GZMH: variants seen among roughly 807,000 people sequenced by gnomAD.
GZMH encodes granzyme H, also known as cathepsin G-like 2, protein h-CCPX.
Under a neutral mutation model 20.7 loss-of-function variants are expected in GZMH, and 24 were observed. That is an observed-to-expected ratio of 1.16 (90% CI 0.84 to 1.63). The LOEUF (loss-of-function observed/expected upper bound fraction) is 1.63. GZMH is among the 40% of genes most tolerant of loss of function. GZMH has a pLI of 0.00. For missense variants in GZMH, 344 were observed against 302.7 expected, an observed-to-expected ratio of 1.14 and a Z score of -1.01; for synonymous variants, 119 against 116.1, an observed-to-expected ratio of 1.02 and a Z score of -0.16.
chr14:24,607,166 T>C lies in GZMH; in HGVS notation c.580A>G (p.Thr194Ala), dbSNP rs748009130. Residue 194 changes from threonine to alanine, a missense_variant, in exon 4 of 5, where the codon ACA (threonine) becomes GCA (alanine). Transcript: ENST00000216338. ...TEICVGDPKK[T>A]QTGFKGDSGG... ...AACCCAACCTTGAAACCGGTCTGTGTCTTCTTTGGATCCCCCACACAAATC... is the reference window on the plus strand; with the variant it reads ...AACCCAACCTTGAAACCGGTCTGTGCCTTCTTTGGATCCCCCACACAAATC... 1 of 1,613,406 alleles carries C rather than the reference T, an allele frequency of 6.2e-7. No individual in the cohort carries two copies. The highest frequency in any genetic ancestry group is 1.1e-5 in the South Asian group (1 of 90,962).
intron 3 of GZMH, 31 bp from the exon 4 acceptor site, chr14:24,607,437 C>A: frequency 6.3e-7 from 1 of 1,577,454 alleles, no homozygotes; most frequent in South Asian, 1.2e-5. Context: ...AAGTCCAGGT[C>A]AGGCAATGGC....
At position 24,608,557 on chromosome 14, in the gene GZMH, C is replaced by A. The variant is rs187261057; in HGVS notation, c.56-145G>T. 33 of 806,184 alleles carry A rather than the reference C, an allele frequency of 4.1e-5. No homozygotes were observed. The Middle Eastern group carries it at 7.1e-4, about 17-fold the overall frequency. The allele number at this position is 806,184 out of a possible 1,614,324, so 49.9% of individuals were successfully genotyped here. On this transcript the variant is annotated intron_variant, in intron 1 of 4. Coordinates refer to ENST00000216338, the MANE Select transcript of GZMH (RefSeq NM_033423.5). ...CCTCCTGAGCTCTGCAGGCAGTACT[C>A]CTTGCAGGCAGAGCAAGCTTTTCTG...
At chr14:24,607,799 C>G in intron 2 of GZMH, 52 bp from the exon 3 acceptor site, 1 of 1,613,218 alleles carries the variant, frequency 6.2e-7, no homozygotes, top group South Asian at 1.1e-5. Flanking sequence ...GGATAGAGCC[C>G]AGGAGCAGTG....
chr14:24,608,500 G>A, intron 1 of GZMH, 88 bp from the exon 2 acceptor site: 1 of 1,454,726 alleles, frequency 6.9e-7, no homozygotes, highest in Non-Finnish European at 9.5e-7. Flanking sequence ...AGGGTGAAGT[G>A]TTTTGTGTGC....
intron 1 of GZMH, 56 bp from the exon 2 acceptor site, chr14:24,608,468 A>G (rs2066889032): frequency 3.1e-6 from 5 of 1,597,438 alleles, no homozygotes; most frequent in Non-Finnish European, 4.3e-6. Context: ...TCAGGAGAGA[A>G]GGCTTAGGAC....
intron 2 of GZMH, 136 bp from the exon 3 acceptor site, chr14:24,607,883 C>T: frequency 7.9e-7 from 1 of 1,261,194 alleles, no homozygotes. Flanking sequence ...GGCTCCAGGG[C>T]TGAGTGACTG....
At position 24,606,625 on chromosome 14, in the gene GZMH, T is replaced by C; in HGVS notation, c.719A>G (p.Lys240Arg). ...CTGTTAGAGGCGCTTCATTGTTCTC[T>C]TTATCCAGGGCAGGAAGTGTGAGAC... ...IKVSHFLPWI[K>R]RTMKRL The change falls in exon 5 of 5, where the codon AAG (lysine) becomes AGG (arginine). Residue 240 changes from lysine to arginine, a missense_variant. Physicochemically the swap from Lys to Arg is conservative, Grantham distance 26. Transcript: ENST00000216338. The C allele has an allele frequency of 6.2e-7, 1 of 1,613,890 alleles. No individual in the cohort carries two copies. The highest frequency in any genetic ancestry group is 8.5e-7 in the Non-Finnish European group (1 of 1,179,924).
chr14:24,607,002 G>A, intron 4 of GZMH, 147 bp downstream of exon 4: 1 of 849,988 alleles, frequency 1.2e-6, no homozygotes, highest in Non-Finnish European at 1.9e-6. Context: ...TCCACCCAAG[G>A]AGTGGACTAA....
Position 24,609,663 on chromosome 14 carries a change from A to T in GZMH, c.-50T>A, listed in dbSNP as rs2066898208. On this transcript the variant is annotated 5_prime_UTR_variant, in exon 1 of 5. Transcript: ENST00000216338. ...AGAGCTGTTGGTGTTGACTCCTTCC[A>T]GAAACAAATGCTGGAGGGAGATGAA... 7.3e-7 allele frequency: 1 copy of T among 1,369,028 alleles called. No individual in the cohort carries two copies. Among genetic ancestry groups the T allele is most frequent in the South Asian group, 1.2e-5 (1 of 82,610 alleles). 84.8% of individuals were successfully genotyped at this position (1,369,028 alleles called of 1,614,324 possible). A position where few individuals can be genotyped will look rare whatever the true frequency, so the allele number is the denominator to read the frequency against.
At chr14:24,607,841 C>T in intron 2 of GZMH, 94 bp from the exon 3 acceptor site, 1 of 1,583,930 alleles carries the variant, frequency 6.3e-7, no homozygotes, top group South Asian at 1.1e-5. Flanking sequence ...CAGGGTAGGG[C>T]TGCAGCTGAG....
In GZMH at chr14:24,607,729, C is replaced by G. The variant is rs768246222; in HGVS notation, c.222G>C (p.Leu74Phe). Residue 74 changes from leucine (L) to phenylalanine (F), a missense_variant, in exon 3 of 5, where the codon TTG (leucine) becomes TTC (phenylalanine). Coordinates refer to ENST00000216338, the MANE Select transcript of GZMH (RefSeq NM_033423.5). The stretch of plus-strand genomic sequence containing the variant: ...CCTGTTCCTTGATATTGTGGGCCCC[C>G]AAGGTGACATTTATGGAGCTGCACA... The part of the protein sequence containing the change: ...HCQGSSINVT[L>F]GAHNIKEQER... 6.2e-7 allele frequency: 1 copy of G among 1,614,022 alleles called. No homozygotes were observed. Among genetic ancestry groups the G allele is most frequent in the South Asian group, 1.1e-5 (1 of 91,068 alleles).
rs532032401 is a variant in GZMH at position 24,606,729 on chromosome 14, G to A, written c.615C>T (p.Pro205=). Residue 205 remains proline (P), a synonymous_variant, in exon 5 of 5, where the codon CCC becomes CCT. Transcript: ENST00000216338. ...CTTGGGCTACGTCCTTACACACGAGGGGCCCCCCGGAGTCCCCCTGTGAAC... is the reference window on the plus strand; with the variant it reads ...CTTGGGCTACGTCCTTACACACGAGAGGCCCCCCGGAGTCCCCCTGTGAAC... The part of the protein sequence containing the change: ...QTGFKGDSGG[P]LVCKDVAQGI... 1 of 1,613,678 alleles carries A rather than the reference G, an allele frequency of 6.2e-7. No homozygotes were observed. Among genetic ancestry groups the A allele is most frequent in the East Asian group, 2.2e-5 (1 of 44,880 alleles).
rs757983938 is a variant in GZMH, at chr14:24,609,625, G to A, written c.-12C>T. The stretch of plus-strand genomic sequence containing the variant: ...AGGAATGGCTGCATTTTCTCAGGAA[G>A]GCTGCCCAGGTCAGAGCTGTTGGTG... On this transcript the variant is annotated 5_prime_UTR_variant, in exon 1 of 5. Transcript: ENST00000216338. The A allele has an allele frequency of 3.1e-6, 5 of 1,608,528 alleles. No individual in the cohort carries two copies. The East Asian group carries it at 8.9e-5, about 29-fold the overall frequency.
At chr14:24,607,845 A>T in intron 2 of GZMH, 98 bp from the exon 3 acceptor site, 1 of 1,572,638 alleles carries the variant, frequency 6.4e-7, no homozygotes, top group Non-Finnish European at 8.7e-7. Context: ...GTAGGGCTGC[A>T]GCTGAGGGGA....
chr14:24,608,330 C>T lies in GZMH; in HGVS notation c.138G>A (p.Arg46=). ...AFVQFLQEKS[R]KRCGGILVRK... is the part of the protein sequence containing the mutation. ...TCACTAGGATGCCGCCACACCTCTT[C>T]CGACTCTTCTCTTGCAGAAACTGAA... is the stretch of plus-strand genomic sequence containing the variant. The change falls in exon 2 of 5, where the codon CGG becomes CGA. Residue 46 remains arginine (R), a synonymous_variant. Transcript: ENST00000216338. The T allele has an allele frequency of 6.2e-7, 1 of 1,614,190 alleles. No individual in the cohort carries two copies. The highest frequency in any genetic ancestry group is 8.5e-7 in the Non-Finnish European group (1 of 1,180,028).
chr14:24,606,493 A>C lies in GZMH; in HGVS notation c.*110T>G. ...ATAAGACTTCAGTCATATTTACACC[A>C]GAGATCCATTTATTACAGTCCTGCA... On this transcript the variant is annotated 3_prime_UTR_variant, in exon 5 of 5. Transcript: ENST00000216338. The C allele has an allele frequency of 1.7e-5, 15 of 879,360 alleles. No homozygotes were observed. The highest frequency in any genetic ancestry group is 2.5e-5 in the Non-Finnish European group (14 of 554,818). 54.5% of individuals were successfully genotyped at this position (879,360 alleles called of 1,614,324 possible). A position where few individuals can be genotyped will look rare whatever the true frequency, so the allele number is the denominator to read the frequency against.
At position 24,608,336 on chromosome 14, in the gene GZMH, C is replaced by T; in HGVS notation, c.132G>A (p.Lys44=). The change falls in exon 2 of 5, where the codon AAG becomes AAA. Residue 44 remains lysine, a synonymous_variant. Transcript: ENST00000216338. ...YMAFVQFLQE[K]SRKRCGGILV... is the part of the protein sequence containing the mutation. ...GGATGCCGCCACACCTCTTCCGACT[C>T]TTCTCTTGCAGAAACTGAACAAAGG... The T allele has an allele frequency of 6.2e-7, 1 of 1,614,232 alleles. No homozygotes were observed. The highest frequency in any genetic ancestry group is 1.1e-5 in the South Asian group (1 of 91,088).
chr14:24,607,790 G>C lies in GZMH; in HGVS notation c.204-43C>G, dbSNP rs201222066. 5.6e-6 allele frequency: 9 copies of C among 1,604,298 alleles called. 1 individual carries two copies. The South Asian group carries it at 9.0e-5, about 16-fold the overall frequency. On this transcript the variant is annotated intron_variant, in intron 2 of 4. Transcript: ENST00000216338. The stretch of plus-strand genomic sequence containing the variant: ...TGAGGATGGGGGTGGAGTCACAGGG[G>C]ATAGAGCCCAGGAGCAGTGAAGAGC...
intron 2 of GZMH, 90 bp from the exon 3 acceptor site, chr14:24,607,837 A>G: frequency 6.3e-7 from 1 of 1,587,094 alleles, no homozygotes; most frequent in Non-Finnish European, 8.6e-7. Flanking sequence ...GTGGCAGGGT[A>G]GGGCTGCAGC....
Sources: gnomAD v4.1 joint callset for allele counts on GRCh38, gnomAD v4.1.1 for gene constraint, MANE v1.5 for transcripts, NCBI Gene and HGNC (gene_info 2026-07-23, HGNC 2026-07-21) for gene names.